The following GABRA4 variants were observed in gnomAD, a reference collection of about 807,000 sequenced individuals.
GABRA4 encodes the protein gamma-aminobutyric acid receptor subunit alpha-4.
GABRA4 carries 12 observed loss-of-function variants against 49.7 expected under a neutral mutation model. The ratio of observed to expected loss-of-function variants is 0.24; its 90% CI spans 0.15 to 0.39. The LOEUF (loss-of-function observed/expected upper bound fraction) is 0.39, where lower values mean the gene tolerates loss of function less well. GABRA4 is among the 10% of genes least tolerant of loss of function. The probability of loss-of-function intolerance (pLI) is 1.00; values close to 1 mark genes in which losing one functional copy is unlikely to be tolerated. For missense variants in GABRA4, 506 were observed against 686.0 expected (o/e 0.74, Z 2.93); for synonymous variants, 288 against 240.2 (o/e 1.20, Z -1.84).
intron 8 of GABRA4, among the ~76,000 whole-genome samples, chr4:46,963,332 C>T (rs1577774281): frequency 6.6e-6 from 1 of 151,874 alleles, no homozygotes; most frequent in Admixed American, 6.6e-5. Context: ...CAAATCTCAA[C>T]TTGAATTTTA....
rs1042151357 is a variant in GABRA4, at chr4:46,930,957, G to GA, written c.1135-2203dup. On this transcript the variant is annotated intron_variant, in intron 8 of 8. Coordinates refer to ENST00000264318, the MANE Select transcript of GABRA4 (RefSeq NM_000809.4). ...CTGTGGTTTAGGAAAGGAAAAAACA[G>GA]AAAAAAACTGGCAGGCTTCCTGAAC... Among the ~76,000 whole-genome samples the GA allele has an allele frequency of 6.6e-5, 10 of 151,532 alleles. No homozygotes were observed. In the East Asian group the frequency reaches 1.8e-3, roughly 27 times the overall value.
chr4:46,935,200 A>G (rs1446589037), intron 8 of GABRA4, among the ~76,000 whole-genome samples: 1 of 152,174 alleles, frequency 6.6e-6, no homozygotes, highest in African/African-American at 2.4e-5. Context: ...AAACAGTTAA[A>G]ATTGTGGGCT....
At chr4:46,982,711 G>C (rs1240862971) in intron 2 of GABRA4, among the ~76,000 whole-genome samples, 2 of 152,070 alleles carry the variant, frequency 1.3e-5, no homozygotes, top group African/African-American at 4.8e-5. Flanking sequence ...CTGAGGGTTT[G>C]AAGTAAGGGA....
intron 7 of GABRA4, among the ~76,000 whole-genome samples, chr4:46,968,081 A>C (rs961001410): frequency 6.6e-6 from 1 of 151,544 alleles, no homozygotes; most frequent in Admixed American, 6.6e-5. Context: ...TCTCTGACCC[A>C]ACAAATTATC....
intron 8 of GABRA4, among the ~76,000 whole-genome samples, chr4:46,959,296 C>T (rs577666008): frequency 6.6e-6 from 1 of 152,076 alleles, no homozygotes; most frequent in African/African-American, 2.4e-5. Flanking sequence ...TAATCACTGT[C>T]TTTAGACCAC....
chr4:46,935,705 A>C (rs1371098623), intron 8 of GABRA4, among the ~76,000 whole-genome samples: 1 of 152,032 alleles, frequency 6.6e-6, no homozygotes, highest in Non-Finnish European at 1.5e-5. Context: ...CATTGGGAGA[A>C]ATGTCTAATG....
intron 3 of GABRA4, among the ~76,000 whole-genome samples, chr4:46,978,367 C>G (rs975838508): frequency 1.3e-5 from 2 of 151,904 alleles, no homozygotes; most frequent in Non-Finnish European, 2.9e-5. Context: ...ATTATCACCT[C>G]TAATTTTCTC....
chr4:46,963,559 C>A (rs936416538), intron 8 of GABRA4, among the ~76,000 whole-genome samples: 1 of 151,778 alleles, frequency 6.6e-6, no homozygotes, highest in Non-Finnish European at 1.5e-5. Context: ...TGAGGCCTCC[C>A]CAGCCATATG....
Position 46,928,037 on chromosome 4 carries a change from GA to G in GABRA4, c.*187del, listed in dbSNP as rs1007064546. On this transcript the variant is annotated 3_prime_UTR_variant, in exon 9 of 9. Coordinates refer to ENST00000264318, the MANE Select transcript of GABRA4 (RefSeq NM_000809.4). ...TGAGTTCTTTTAAAATAATTTTTCT[GA>G]AAAAAAACATAGTTCACTTTTTCAC... 11 of 523,112 alleles carry G rather than the reference GA, an allele frequency of 2.1e-5. No individual in the cohort carries two copies. The highest frequency in any genetic ancestry group is 6.6e-5 in the East Asian group (2 of 30,362). The allele number at this position is 523,112 out of a possible 1,614,324, so 32.4% of individuals were successfully genotyped here.
chr4:46,974,136 C>A lies in GABRA4; in HGVS notation c.721+96G>T, dbSNP rs181800887. ...CTATTTCTGGAAAATGTTTGTTGTT[C>A]TCCTGAAAAAATTAACTATTTCAAT... On this transcript the variant is annotated intron_variant, in intron 6 of 8. Coordinates refer to ENST00000264318, the MANE Select transcript of GABRA4 (RefSeq NM_000809.4). The A allele has an allele frequency of 6.3e-5, 78 of 1,234,330 alleles. No homozygotes were observed. The East Asian group carries it at 1.9e-3, about 30-fold the overall frequency. The allele number at this position is 1,234,330 out of a possible 1,614,324, so 76.5% of individuals were successfully genotyped here.
rs1438188220 is a variant in GABRA4, at chr4:46,938,453, T to C, written c.1135-9698A>G. Among the ~76,000 whole-genome samples the C allele has an allele frequency of 2.6e-5, 4 of 152,102 alleles. No homozygotes were observed. In the South Asian group the frequency reaches 6.2e-4, roughly 24 times the overall value. ...GCACTGTCTTAAAAACAATCATTTA[T>C]CAAGGTGGGATTTTCAGTATATTTT... On this transcript the variant is annotated intron_variant, in intron 8 of 8. Transcript: ENST00000264318.
At chr4:46,988,800 T>C (rs16851647) in intron 2 of GABRA4, among the ~76,000 whole-genome samples, 16,138 of 152,044 alleles carry the variant, frequency 0.11, 932 homozygotes, top group South Asian at 0.19. Context: ...AATGAAAGAG[T>C]GCCTCGGAAG....
rs1721258770 is a variant in GABRA4 at position 46,927,157 on chromosome 4, C to A, written c.*1068G>T. On this transcript the variant is annotated 3_prime_UTR_variant, in exon 9 of 9. Coordinates refer to ENST00000264318, the MANE Select transcript of GABRA4 (RefSeq NM_000809.4). ...ATTTGCGACAGTTAATCTATTAAGT[C>A]TTATATTGCCCTGATTTTTACTTTC... 1 of 152,046 alleles carries A rather than the reference C, an allele frequency of 6.6e-6. No homozygotes were observed. The highest frequency in any genetic ancestry group is 2.4e-5 in the African/African-American group (1 of 41,412). 9.4% of individuals were successfully genotyped at this position (152,046 alleles called of 1,614,324 possible). A position where few individuals can be genotyped will look rare whatever the true frequency, so the allele number is the denominator to read the frequency against.
chr4:46,940,868 A>G (rs1721765114), intron 8 of GABRA4, among the ~76,000 whole-genome samples: 1 of 152,180 alleles, frequency 6.6e-6, no homozygotes, highest in African/African-American at 2.4e-5. Context: ...TCAACGTTTA[A>G]CAAGGCTCTC....
At chr4:46,961,755 T>A (rs1360657150) in intron 8 of GABRA4, among the ~76,000 whole-genome samples, 2 of 151,694 alleles carry the variant, frequency 1.3e-5, no homozygotes, top group Admixed American at 1.3e-4. Flanking sequence ...ACCACAGGCA[T>A]TTGTCTGCTG....
chr4:46,926,072 A>C lies in GABRA4; in HGVS notation c.*2153T>G, dbSNP rs965650122. On this transcript the variant is annotated 3_prime_UTR_variant, in exon 9 of 9. Transcript: ENST00000264318. ...TAGCAAAGAGTAAGAGTTCCTCACCAAAAACAACAACAACAACAACAACAA... is the reference window on the plus strand; with the variant it reads ...TAGCAAAGAGTAAGAGTTCCTCACCCAAAACAACAACAACAACAACAACAA... The C allele has an allele frequency of 8.6e-6, 1 of 116,452 alleles. No individual in the cohort carries two copies. The highest frequency in any genetic ancestry group is 3.0e-5 in the African/African-American group (1 of 33,460). 7.2% of individuals were successfully genotyped at this position (116,452 alleles called of 1,614,324 possible). A position where few individuals can be genotyped will look rare whatever the true frequency, so the allele number is the denominator to read the frequency against.
At position 46,927,398 on chromosome 4, in the gene GABRA4, G is replaced by T. The variant is rs1721266645; in HGVS notation, c.*827C>A. The T allele has an allele frequency of 1.3e-5, 2 of 152,392 alleles. No individual in the cohort carries two copies. The highest frequency in any genetic ancestry group is 4.1e-4 in the South Asian group (2 of 4,822). 9.4% of individuals were successfully genotyped at this position (152,392 alleles called of 1,614,324 possible). ...AATGCAATGTCCTCTGCTAGTTTATGGTTCTTTGGCATGCATTGACTGTTC... is the reference window on the plus strand; with the variant it reads ...AATGCAATGTCCTCTGCTAGTTTATTGTTCTTTGGCATGCATTGACTGTTC... On this transcript the variant is annotated 3_prime_UTR_variant, in exon 9 of 9. Coordinates refer to ENST00000264318, the MANE Select transcript of GABRA4 (RefSeq NM_000809.4).
Position 46,923,093 on chromosome 4 carries a change from C to G in GABRA4, c.*5132G>C, listed in dbSNP as rs1056731894. 4 of 152,118 alleles carry G rather than the reference C, an allele frequency of 2.6e-5. No individual in the cohort carries two copies. Among genetic ancestry groups the G allele is most frequent in the Admixed American group, 1.3e-4 (2 of 15,256 alleles). 9.4% of individuals were successfully genotyped at this position (152,118 alleles called of 1,614,324 possible). A position where few individuals can be genotyped will look rare whatever the true frequency, so the allele number is the denominator to read the frequency against. On this transcript the variant is annotated 3_prime_UTR_variant, in exon 9 of 9. Transcript: ENST00000264318. ...CAATTTCATCTGAAAACCATTCCCC[C>G]ACCCTCACCCGTGCCTGTTGCCAAA...
chr4:46,924,777 T>C lies in GABRA4; in HGVS notation c.*3448A>G, dbSNP rs779372759. The C allele has an allele frequency of 6.6e-6, 1 of 152,056 alleles. No homozygotes were observed. The highest frequency in any genetic ancestry group is 1.5e-5 in the Non-Finnish European group (1 of 67,962). The allele number at this position is 152,056 out of a possible 1,614,324, so 9.4% of individuals were successfully genotyped here. A position where few individuals can be genotyped will look rare whatever the true frequency, so the allele number is the denominator to read the frequency against. On this transcript the variant is annotated 3_prime_UTR_variant, in exon 9 of 9. Coordinates refer to ENST00000264318, the MANE Select transcript of GABRA4 (RefSeq NM_000809.4). ...TTTGTGGTTCAAAGTATTCAGTGTT[T>C]TTCTTACAAGAGTATGCTTGTATTT...
Sources: allele counts gnomAD v4.1 joint callset (sites outside exome capture counted in the v4.1 genomes callset), GRCh38; gene constraint gnomAD v4.1.1; transcripts MANE v1.5; gene names NCBI Gene and HGNC (gene_info 2026-07-23, HGNC 2026-07-21).